ANAPC1: variants seen among roughly 807,000 people sequenced by gnomAD.
ANAPC1 encodes the protein anaphase promoting complex subunit 1, also known as anaphase-promoting complex subunit 1.
Under a neutral mutation model 208.0 loss-of-function variants are expected in ANAPC1, and 36 were observed. The ratio of observed to expected loss-of-function variants is 0.17; its 90% CI spans 0.13 to 0.23. The LOEUF (loss-of-function observed/expected upper bound fraction) is 0.23. Ranked by LOEUF, ANAPC1 falls within the 10% of genes least tolerant of loss-of-function variation. The pLI is 1.00. For synonymous variants in ANAPC1, 378 were observed against 695.2 expected (o/e 0.54, Z 7.18); for missense variants, 942 against 2,011.6 (o/e 0.47, Z 10.17).
At position 111,863,862 on chromosome 2, in the gene ANAPC1, C is replaced by A. The variant is rs746348058; in HGVS notation, c.865G>T (p.Gly289Trp). The A allele has an allele frequency of 6.2e-7, 1 of 1,613,334 alleles. No homozygotes were observed. Residue 289 changes from glycine (G) to tryptophan (W), a missense_variant, in exon 9 of 48, where the codon GGG becomes TGG. Transcript: ENST00000341068. ...GTGGCCACATTCTGTGGGGTTCCCC[C>A]CTGTTCAGAGAACTTTAAAACAACA... is the stretch of plus-strand genomic sequence containing the variant. ...ENVVLKFSEQ[G>W]GTPQNVATSS...
At chr2:111,841,769 G>A (rs1680778666) in intron 17 of ANAPC1, among the ~76,000 whole-genome samples, 1 of 152,036 alleles carries the variant, frequency 6.6e-6, no homozygotes, top group Admixed American at 6.6e-5. Flanking sequence ...ACTGGACTGA[G>A]AAGAGACTGG....
At chr2:111,787,142 C>T (rs1292523128) in intron 39 of ANAPC1, among the ~76,000 whole-genome samples, 1 of 140,736 alleles carries the variant, frequency 7.1e-6, no homozygotes, top group African/African-American at 2.7e-5. Flanking sequence ...GAGCGAGACT[C>T]TATCTCGAAA....
intron 16 of ANAPC1, among the ~76,000 whole-genome samples, chr2:111,846,550 TATA>T (rs1239628991): frequency 2.1e-4 from 15 of 70,396 alleles, no homozygotes; most frequent in African/African-American, 3.8e-4. Context: ...TATATATATA[TATA>T]TATATATTTT....
At position 111,825,120 on chromosome 2, in the gene ANAPC1, A is replaced by G; in HGVS notation, c.2741+11T>C. 1.2e-6 allele frequency: 2 copies of G among 1,613,960 alleles called. No homozygotes were observed. The highest frequency in any genetic ancestry group is 1.7e-6 in the Non-Finnish European group (2 of 1,179,860). On this transcript the variant is annotated intron_variant, in intron 23 of 47. Coordinates refer to ENST00000341068, the MANE Select transcript of ANAPC1 (RefSeq NM_022662.4). ...TGTTTGACATAAAAGCACAGTCTAA[A>G]TAAAAGTCACCTGTTTTCCTCTTGT...
intron 34 of ANAPC1, among the ~76,000 whole-genome samples, chr2:111,795,227 C>T (rs1229916863): frequency 6.6e-6 from 1 of 152,172 alleles, no homozygotes; most frequent in African/African-American, 2.4e-5. Context: ...ATTAAAAATA[C>T]AAAAATTAGC....
chr2:111,864,449 C>CATATATAT lies in ANAPC1; in HGVS notation c.831+349_831+356dup, dbSNP rs57591480. 1.9e-3 allele frequency among the ~76,000 whole-genome samples: 179 copies of CATATATAT among 95,698 alleles called. 3 individuals carry two copies. Among genetic ancestry groups the CATATATAT allele is most frequent in the South Asian group, 4.0e-3 (9 of 2,276 alleles). 62.8% of individuals were successfully genotyped at this position (95,698 alleles called of 152,430 possible). ...GGGTATGAAGTATTAACTACTCTTT[C>CATATATAT]ATATATATATATACTTTTTTTTTTT... On this transcript the variant is annotated intron_variant, in intron 8 of 47. Coordinates refer to ENST00000341068, the MANE Select transcript of ANAPC1 (RefSeq NM_022662.4).
chr2:111,825,735 T>C (rs1247407882), intron 22 of ANAPC1, 42 bp downstream of exon 22: 26 of 1,584,082 alleles, frequency 1.6e-5, no homozygotes, highest in Non-Finnish European at 2.2e-5. Flanking sequence ...ATACTGACAT[T>C]TACAAAAATT....
At chr2:111,831,797 C>T (rs1010966458) in intron 20 of ANAPC1, among the ~76,000 whole-genome samples, 20 of 132,132 alleles carry the variant, frequency 1.5e-4, no homozygotes, top group African/African-American at 2.9e-4. Flanking sequence ...GCCGAGATCA[C>T]GCCTAAGAGA....
chr2:111,852,392 C>G (rs750372005), intron 13 of ANAPC1, among the ~76,000 whole-genome samples: 3 of 152,070 alleles, frequency 2.0e-5, no homozygotes, highest in Admixed American at 1.3e-4. Context: ...GAAAATCTTA[C>G]TCTTTCCAGC....
intron 3 of ANAPC1, among the ~76,000 whole-genome samples, 155 bp from the exon 4 acceptor site, chr2:111,873,819 ATAAAT>A (rs58044089): frequency 0.19 from 28,574 of 151,902 alleles, 2,929 homozygotes; most frequent in Middle Eastern, 0.29. Context: ...ATAAGAAAAA[ATAAAT>A]TAGAGTAATA....
Position 111,847,778 on chromosome 2 carries a change from G to C in ANAPC1, c.1738C>G (p.Leu580Val). 1 of 1,608,066 alleles carries C rather than the reference G, an allele frequency of 6.2e-7. No individual in the cohort carries two copies. Residue 580 changes from leucine (L) to valine (V), a missense_variant, in exon 15 of 48, where the codon CTT becomes GTT. Transcript: ENST00000341068. ...CTGATAGAATGAATGTAAGTTCCAA[G>C]CTGTTGGAAAGTACAATCCTCATTA... The part of the protein sequence containing the change: ...LYNEDCTFQQ[L>V]GTYIHSIRDP...
chr2:111,807,827 T>A (rs1161269672), intron 29 of ANAPC1, among the ~76,000 whole-genome samples: 1 of 150,706 alleles, frequency 6.6e-6, no homozygotes, highest in African/African-American at 2.4e-5. Flanking sequence ...AATGACACCA[T>A]TAGACATCAT....
In ANAPC1 at chr2:111,772,325, T is replaced by C. The variant is rs1573290610; in HGVS notation, c.5719+16A>G. On this transcript the variant is annotated intron_variant, in intron 47 of 47. Transcript: ENST00000341068. Reference sequence around the variant, plus strand: ...GTAACAGAGTTACTGAAGATAAGACTTAGATATGCAATTACCTTCTAGTCC... The same window carrying C: ...GTAACAGAGTTACTGAAGATAAGACCTAGATATGCAATTACCTTCTAGTCC... 6.2e-7 allele frequency: 1 copy of C among 1,613,784 alleles called. No homozygotes were observed. The highest frequency in any genetic ancestry group is 8.5e-7 in the Non-Finnish European group (1 of 1,179,820).
At chr2:111,788,154 C>T in intron 39 of ANAPC1, 80 bp downstream of exon 39, 2 of 1,545,648 alleles carry the variant, frequency 1.3e-6, no homozygotes, top group Non-Finnish European at 1.8e-6. Flanking sequence ...GAAATAATTC[C>T]ATGAAACCAA....
intron 25 of ANAPC1, among the ~76,000 whole-genome samples, chr2:111,822,034 T>C (rs1679564568): frequency 6.6e-6 from 1 of 152,118 alleles, no homozygotes; most frequent in East Asian, 1.9e-4. Context: ...CAGTAGAAAA[T>C]ATTTATATAT....
chr2:111,824,023 GTTT>G (rs1679689440), intron 24 of ANAPC1, among the ~76,000 whole-genome samples: 1 of 149,658 alleles, frequency 6.7e-6, no homozygotes, highest in African/African-American at 2.4e-5. Flanking sequence ...ATTAAATCAT[GTTT>G]TTCTTATGAT....
At chr2:111,789,836 C>T (rs1242836882) in intron 38 of ANAPC1, among the ~76,000 whole-genome samples, 3 of 152,160 alleles carry the variant, frequency 2.0e-5, no homozygotes, top group Non-Finnish European at 4.4e-5. Flanking sequence ...GAGAGTCATA[C>T]AGTTTGGAAC....
Position 111,834,839 on chromosome 2 carries a change from G to C in ANAPC1, c.2149C>G (p.Gln717Glu), listed in dbSNP as rs768514607. Residue 717 changes from glutamine (Q) to glutamate (E), a missense_variant, in exon 19 of 48, where the codon CAG becomes GAG. Transcript: ENST00000341068. ...TTCAAAAGATGAGACTCAACATTCT[G>C]GTGGTAGTCTGAATTTAGTAAATAT... ...WEYLLNSDYH[Q>E]NVESHLLNRS... The C allele has an allele frequency of 1.0e-4, 161 of 1,602,220 alleles. No homozygotes were observed. Among genetic ancestry groups the C allele is most frequent in the Non-Finnish European group, 1.3e-4 (158 of 1,175,536 alleles).
At chr2:111,849,944 T>C (rs1226496428) in intron 14 of ANAPC1, among the ~76,000 whole-genome samples, 1 of 151,876 alleles carries the variant, frequency 6.6e-6, no homozygotes, top group Non-Finnish European at 1.5e-5. Flanking sequence ...AAGAGCACAT[T>C]AGTAAGAGTG....
Sources: gnomAD v4.1 joint callset for allele counts (sites outside exome capture counted in the v4.1 genomes callset) on GRCh38, gnomAD v4.1.1 for gene constraint, MANE v1.5 for transcripts, NCBI Gene and HGNC (gene_info 2026-07-23, HGNC 2026-07-21) for gene names.